IQCJ: variants seen among roughly 807,000 people sequenced by gnomAD.
IQCJ encodes the protein IQ domain-containing protein J.
In IQCJ, 9 loss-of-function variants were observed where a neutral mutation model predicts 11.0. That is an observed-to-expected ratio of 0.82 (90% CI 0.49 to 1.43). The LOEUF is 1.43. Among genes scored for constraint, IQCJ ranks in the 40% most tolerant of loss-of-function variants. The pLI is 0.00. For synonymous variants in IQCJ, 55 were observed against 51.3 expected (o/e 1.07, Z -0.31); for missense variants, 146 against 133.2 (o/e 1.10, Z -0.47).
chr3:159,208,876 A>G (rs1362964679), intron 1 of IQCJ, among the ~76,000 whole-genome samples: 1 of 152,226 alleles, frequency 6.6e-6, no homozygotes, highest in African/African-American at 2.4e-5. Context: ...GACAGACACA[A>G]GAAGAAACAC....
intron 1 of IQCJ, among the ~76,000 whole-genome samples, chr3:159,170,997 C>T (rs1204483322): frequency 2.6e-5 from 4 of 152,008 alleles, no homozygotes; most frequent in South Asian, 2.1e-4. Context: ...GGAAAATTTT[C>T]TCCTTTTCTC....
intron 1 of IQCJ, among the ~76,000 whole-genome samples, chr3:159,173,676 G>A (rs1288806392): frequency 1.3e-5 from 2 of 152,120 alleles, no homozygotes; most frequent in African/African-American, 4.8e-5. Context: ...CTCCCTCGCT[G>A]CTGCAGCGAA....
At chr3:159,201,656 A>G in intron 1 of IQCJ, among the ~76,000 whole-genome samples, 1 of 64,410 alleles carries the variant, frequency 1.6e-5, no homozygotes, top group African/African-American at 7.1e-5. Flanking sequence ...TTTTTTTGAG[A>G]CGGAGTCTCG....
intron 1 of IQCJ, among the ~76,000 whole-genome samples, chr3:159,102,362 A>T (rs779346282): frequency 6.6e-6 from 1 of 152,230 alleles, no homozygotes; most frequent in Non-Finnish European, 1.5e-5. Flanking sequence ...ATAGAAGACA[A>T]ATCTATTCAA....
chr3:159,218,889 G>A (rs1037741287), intron 1 of IQCJ, among the ~76,000 whole-genome samples: 1 of 152,048 alleles, frequency 6.6e-6, no homozygotes, highest in Non-Finnish European at 1.5e-5. Flanking sequence ...TCCTTCCAGA[G>A]GCTCTAGGAG....
chr3:159,090,694 G>A (rs1358531261), intron 1 of IQCJ, among the ~76,000 whole-genome samples: 2 of 151,808 alleles, frequency 1.3e-5, no homozygotes, highest in Admixed American at 6.5e-5. Context: ...TGTGGAGAGC[G>A]TACAGCGGCC....
chr3:159,091,646 TTAC>T (rs1717292399), intron 1 of IQCJ, among the ~76,000 whole-genome samples: 1 of 82,292 alleles, frequency 1.2e-5, no homozygotes, highest in African/African-American at 5.0e-5. Flanking sequence ...AAAGGGGTAT[TTAC>T]ACACACACAC....
chr3:159,139,623 G>A (rs922869395), intron 1 of IQCJ, among the ~76,000 whole-genome samples: 49 of 152,202 alleles, frequency 3.2e-4, no homozygotes, highest in African/African-American at 1.1e-3. Context: ...GGCTGTTACT[G>A]TGAAGACCAG....
intron 1 of IQCJ, among the ~76,000 whole-genome samples, chr3:159,229,817 CTCCTCCTCCT>C (rs2108147880): frequency 4.4e-4 from 1 of 2,250 alleles, no homozygotes; most frequent in East Asian, 7.6e-3. Flanking sequence ...CTCCTCCCCG[CTCCTCCTCCT>C]TCTCCCCCTC....
chr3:159,141,155 G>C (rs898489623), intron 1 of IQCJ, among the ~76,000 whole-genome samples: 28 of 80,048 alleles, frequency 3.5e-4, no homozygotes, highest in Middle Eastern at 5.7e-3. Flanking sequence ...AGGCTTCCTT[G>C]AGAAATTGTA....
intron 1 of IQCJ, among the ~76,000 whole-genome samples, chr3:159,187,894 A>T (rs761035830): frequency 6.6e-6 from 1 of 152,080 alleles, no homozygotes; most frequent in African/African-American, 2.4e-5. Context: ...TGGCTGCATG[A>T]CCTATTTTAA....
intron 1 of IQCJ, among the ~76,000 whole-genome samples, chr3:159,204,203 T>G (rs528322489): frequency 1.3e-5 from 2 of 152,364 alleles, no homozygotes; most frequent in East Asian, 3.9e-4. Flanking sequence ...CACAGTTTTG[T>G]GCACTGGAAA....
At chr3:159,178,386 TGAAAC>T (rs1250264696) in intron 1 of IQCJ, among the ~76,000 whole-genome samples, 1 of 152,150 alleles carries the variant, frequency 6.6e-6, no homozygotes, top group East Asian at 1.9e-4. Flanking sequence ...TACCCAGTAA[TGAAAC>T]CACTTACTCT....
chr3:159,263,145 C>A lies in IQCJ; in HGVS notation c.*414C>A. The A allele has an allele frequency of 2.3e-6, 2 of 852,128 alleles. No individual in the cohort carries two copies. Among genetic ancestry groups the A allele is most frequent in the Non-Finnish European group, 2.8e-6 (2 of 706,834 alleles). The allele number at this position is 852,128 out of a possible 1,614,324, so 52.8% of individuals were successfully genotyped here. ...CTCCAGGGGCCAGGTAAGTCACCCT[C>A]ATGACTGAGGTGGCTGAGCTGTGCC... On this transcript the variant is annotated 3_prime_UTR_variant, in exon 4 of 4. Coordinates refer to ENST00000397832, the MANE Select transcript of IQCJ (RefSeq NM_001042706.3).
chr3:159,161,315 G>A (rs1285808413), intron 1 of IQCJ, among the ~76,000 whole-genome samples: 1 of 152,186 alleles, frequency 6.6e-6, no homozygotes, highest in East Asian at 1.9e-4. Flanking sequence ...TTTTTTGGCT[G>A]CATAAATGCC....
intron 1 of IQCJ, among the ~76,000 whole-genome samples, chr3:159,174,840 T>C (rs1017747461): frequency 2.6e-5 from 4 of 152,192 alleles, no homozygotes; most frequent in Admixed American, 2.6e-4. Flanking sequence ...ATAATGCATA[T>C]GTCATACATT....
At chr3:159,183,253 C>T (rs1368839036) in intron 1 of IQCJ, among the ~76,000 whole-genome samples, 1 of 152,166 alleles carries the variant, frequency 6.6e-6, no homozygotes, top group Non-Finnish European at 1.5e-5. Flanking sequence ...ATTCACATAT[C>T]TGGTTCATTT....
chr3:159,089,850 T>C (rs1422115275), intron 1 of IQCJ, among the ~76,000 whole-genome samples: 1 of 151,762 alleles, frequency 6.6e-6, no homozygotes, highest in Non-Finnish European at 1.5e-5. Context: ...TTCAACTTCT[T>C]TGCCTTTGGT....
chr3:159,254,300 G>A (rs1379554066), intron 3 of IQCJ, among the ~76,000 whole-genome samples: 1 of 152,142 alleles, frequency 6.6e-6, no homozygotes, highest in Non-Finnish European at 1.5e-5. Flanking sequence ...TGTAGGGGCT[G>A]TGGGGTAGGT....
Sources: gnomAD v4.1 joint callset for allele counts (sites outside exome capture counted in the v4.1 genomes callset) on GRCh38, gnomAD v4.1.1 for gene constraint, MANE v1.5 for transcripts, NCBI Gene and HGNC (gene_info 2026-07-23, HGNC 2026-07-21) for gene names.